Variants in PKP4 observed in about 807,000 individuals in gnomAD.
The protein encoded by PKP4 is plakophilin-4.
PKP4 carries 90 observed loss-of-function variants against 145.1 expected under a neutral mutation model. The observed-to-expected ratio is 0.62, with a 90% CI of 0.52 to 0.74. The LOEUF is 0.74. PKP4 is among the 30% of genes least tolerant of loss of function. The pLI is 0.00. For missense variants in PKP4, 1,340 were observed against 1,482.7 expected (o/e 0.90, Z 1.58); for synonymous variants, 563 against 577.2 (o/e 0.98, Z 0.35).
At chr2:158,673,857 G>T in intron 18 of PKP4, 26 bp from the exon 19 acceptor site, 1 of 1,523,256 alleles carries the variant, frequency 6.6e-7, no homozygotes, top group Non-Finnish European at 9.1e-7. Flanking sequence ...CATTTTGAGA[G>T]GTTTCTTTTT....
intron 1 of PKP4, among the ~76,000 whole-genome samples, chr2:158,514,611 G>T (rs969810413): frequency 4.6e-5 from 7 of 151,978 alleles, no homozygotes; most frequent in Non-Finnish European, 1.0e-4. Flanking sequence ...AAATCAAGAG[G>T]TTTTTTTTCT....
intron 11 of PKP4, among the ~76,000 whole-genome samples, chr2:158,643,724 A>G (rs112079604): frequency 0.037 from 1,647 of 44,650 alleles, 31 homozygotes; most frequent in African/African-American, 0.078. Context: ...AAAAAAAAAA[A>G]AAAAGAAAAG....
intron 3 of PKP4, among the ~76,000 whole-genome samples, chr2:158,601,729 C>A (rs1358079034): frequency 2.0e-5 from 3 of 152,162 alleles, no homozygotes; most frequent in Non-Finnish European, 2.9e-5. Flanking sequence ...GGAATGTGAA[C>A]TACTGCACCT....
chr2:158,609,856 G>A (rs1421346742), intron 4 of PKP4, among the ~76,000 whole-genome samples: 2 of 152,142 alleles, frequency 1.3e-5, no homozygotes, highest in East Asian at 1.9e-4. Context: ...GGGGCTGGGG[G>A]CAGAAGTTAA....
chr2:158,675,320 A>ATT (rs57801142), intron 19 of PKP4, among the ~76,000 whole-genome samples: 24 of 147,028 alleles, frequency 1.6e-4, no homozygotes, highest in Admixed American at 4.1e-4. Flanking sequence ...TTTTTTGGTG[A>ATT]TTTTTTTTTT....
At chr2:158,469,819 A>G (rs767993092) in intron 1 of PKP4, among the ~76,000 whole-genome samples, 15 of 152,092 alleles carry the variant, frequency 9.9e-5, no homozygotes, top group Non-Finnish European at 1.8e-4. Flanking sequence ...CCTCAGCACT[A>G]TTTACTTTCA....
At chr2:158,532,848 ACT>A (rs2043691200) in intron 1 of PKP4, among the ~76,000 whole-genome samples, 2 of 151,668 alleles carry the variant, frequency 1.3e-5, no homozygotes, top group Admixed American at 6.6e-5. Flanking sequence ...TAGGTTTTAA[ACT>A]CTTTTTTTCT....
In PKP4 at chr2:158,625,185, C is replaced by A. The variant is rs1278740407; in HGVS notation, c.911C>A (p.Pro304His). The change falls in exon 7 of 22, where the codon CCT becomes CAT. Residue 304 changes from proline (P) to histidine (H), a missense_variant. Coordinates refer to ENST00000389759, the MANE Select transcript of PKP4 (RefSeq NM_003628.6). ...ACCTCCAATCCCAACGGACCAACCC[C>A]TCAATACCAAACCACCGCCAGAGTG... Reference protein sequence around the residue: ...RQTSNPNGPTPQYQTTARVGS... With the variant: ...RQTSNPNGPTHQYQTTARVGS... 2 of 1,614,044 alleles carry A rather than the reference C, an allele frequency of 1.2e-6. No individual in the cohort carries two copies. The highest frequency in any genetic ancestry group is 2.7e-5 in the African/African-American group (2 of 74,916).
At chr2:158,493,082 A>ATAC (rs1695182815) in intron 1 of PKP4, among the ~76,000 whole-genome samples, 1 of 152,136 alleles carries the variant, frequency 6.6e-6, no homozygotes, top group South Asian at 2.1e-4. Context: ...CCAGAAGTAT[A>ATAC]TACTTTCAGT....
intron 2 of PKP4, among the ~76,000 whole-genome samples, chr2:158,539,984 T>A (rs1184170564): frequency 6.6e-6 from 1 of 152,124 alleles, no homozygotes; most frequent in Non-Finnish European, 1.5e-5. Context: ...GCCAACAGGT[T>A]TATTCAGTAT....
In PKP4 at chr2:158,476,674, C is replaced by G. The variant is rs150588902; in HGVS notation, c.-6+19456C>G. Reference sequence around the variant, plus strand: ...AATAAAATAGTCTCAGATTAGAGACCTGCTGTTTCAAGTTTAGGCGATCTC... The same window carrying G: ...AATAAAATAGTCTCAGATTAGAGACGTGCTGTTTCAAGTTTAGGCGATCTC... On this transcript the variant is annotated intron_variant, in intron 1 of 21. Coordinates refer to ENST00000389759, the MANE Select transcript of PKP4 (RefSeq NM_003628.6). Among the ~76,000 whole-genome samples the G allele has an allele frequency of 5.7e-3, 862 of 151,838 alleles. 11 individuals are homozygous for G. Among genetic ancestry groups the G allele is most frequent in the African/African-American group, 0.02 (826 of 41,406 alleles).
chr2:158,548,110 G>C (rs2045247644), intron 2 of PKP4, among the ~76,000 whole-genome samples: 1 of 152,130 alleles, frequency 6.6e-6, no homozygotes, highest in South Asian at 2.1e-4. Context: ...AACTGCCTGT[G>C]GAGTACTCTG....
intron 1 of PKP4, among the ~76,000 whole-genome samples, chr2:158,529,523 T>C (rs1574315706): frequency 6.6e-6 from 1 of 152,318 alleles, no homozygotes; most frequent in East Asian, 1.9e-4. Context: ...GGATACAGTG[T>C]GTGCATTCCT....
rs776568779 is a variant in PKP4, at chr2:158,533,201, A to T, written c.17A>T (p.Gln6Leu). 6.2e-7 allele frequency: 1 copy of T among 1,613,152 alleles called. No individual in the cohort carries two copies. Reference sequence around the variant, plus strand: ...GCAGGAGGAATGCCAGCTCCTGAGCAGGCCTCATTGGTGGAGGAGGGGCAA... The same window carrying T: ...GCAGGAGGAATGCCAGCTCCTGAGCTGGCCTCATTGGTGGAGGAGGGGCAA... MPAPE[Q>L]ASLVEEGQPQ... Residue 6 changes from glutamine to leucine, a missense_variant, in exon 2 of 22, where the codon CAG becomes CTG. Transcript: ENST00000389759.
At chr2:158,498,816 T>C (rs1201395268) in intron 1 of PKP4, among the ~76,000 whole-genome samples, 1 of 55,502 alleles carries the variant, frequency 1.8e-5, no homozygotes, top group Non-Finnish European at 4.2e-5. Context: ...TTGTGAGTGT[T>C]TTTTTTTTTT....
chr2:158,465,880 T>C (rs1372809106), intron 1 of PKP4, among the ~76,000 whole-genome samples: 8 of 152,214 alleles, frequency 5.3e-5, no homozygotes, highest in African/African-American at 1.9e-4. Context: ...AGACCTGTGA[T>C]AAACAACTCA....
At chr2:158,558,070 G>A (rs771781185) in intron 2 of PKP4, among the ~76,000 whole-genome samples, 3 of 152,146 alleles carry the variant, frequency 2.0e-5, no homozygotes, top group Non-Finnish European at 4.4e-5. Context: ...CAGGCCCTAG[G>A]GTGATCCTCA....
intron 12 of PKP4, chr2:158,660,362 G>C (rs1329271097): frequency 6.6e-6 from 1 of 152,670 alleles, no homozygotes; most frequent in African/African-American, 2.4e-5. Flanking sequence ...AGGCACCTTG[G>C]AGAGTGCAAA....
chr2:158,534,582 G>A (rs537021535), intron 2 of PKP4, among the ~76,000 whole-genome samples: 24 of 152,298 alleles, frequency 1.6e-4, no homozygotes, highest in African/African-American at 5.8e-4. Context: ...GTTAAGATGA[G>A]AAGCCTCAGA....
Sources: gnomAD v4.1 joint callset for allele counts (sites outside exome capture counted in the v4.1 genomes callset) on GRCh38, gnomAD v4.1.1 for gene constraint, MANE v1.5 for transcripts, NCBI Gene and HGNC (gene_info 2026-07-23, HGNC 2026-07-21) for gene names.